The following KCTD5 variants were observed in gnomAD, a reference collection of about 807,000 sequenced individuals.
KCTD5 encodes potassium channel tetramerization domain containing 5.
A neutral mutation model predicts 27.9 loss-of-function variants in KCTD5; 12 were observed. That is an observed-to-expected ratio of 0.43 (90% CI 0.28 to 0.70). The LOEUF is 0.70. Among genes scored for constraint, KCTD5 ranks in the 30% least tolerant of loss-of-function variants. The pLI, the probability that KCTD5 is intolerant of heterozygous loss-of-function variation, is 0.19. For missense variants in KCTD5, 226 were observed against 274.8 expected, an observed-to-expected ratio of 0.82 and a Z score of 1.26; for synonymous variants, 147 against 121.4, an observed-to-expected ratio of 1.21 and a Z score of -1.39.
intron 1 of KCTD5, among the ~76,000 whole-genome samples, chr16:2,688,731 G>A (rs1211164210): frequency 1.0e-5 from 1 of 96,492 alleles, no homozygotes; most frequent in Non-Finnish European, 2.1e-5. Context: ...CCAGAGCTCT[G>A]GCTGACCCTA....
chr16:2,701,753 A>G (rs183101293), intron 4 of KCTD5, among the ~76,000 whole-genome samples: 1 of 152,342 alleles, frequency 6.6e-6, no homozygotes, highest in Admixed American at 6.5e-5. Flanking sequence ...CTTTAAAAGC[A>G]CAGAAGTGCC....
At position 2,695,465 on chromosome 16, in the gene KCTD5, C is replaced by T. The variant is rs1362540604; in HGVS notation, c.253-470C>T. Among the ~76,000 whole-genome samples the T allele has an allele frequency of 1.6e-5, 2 of 125,990 alleles. 1 individual carries two copies. Among genetic ancestry groups the T allele is most frequent in the Non-Finnish European group, 3.5e-5 (2 of 57,170 alleles). The allele number at this position is 125,990 out of a possible 152,430, so 82.7% of individuals were successfully genotyped here. A position where few individuals can be genotyped will look rare whatever the true frequency, so the allele number is the denominator to read the frequency against. On this transcript the variant is annotated intron_variant, in intron 1 of 5. Coordinates refer to ENST00000301738, the MANE Select transcript of KCTD5 (RefSeq NM_018992.4). The stretch of plus-strand genomic sequence containing the variant: ...GGCAGGAAGCCCCTGTCACCCTGAC[C>T]CCCGGTTCCTGCATGTAGGCTGCGG...
intron 1 of KCTD5, among the ~76,000 whole-genome samples, chr16:2,686,947 C>T (rs372773152): frequency 1.4e-4 from 22 of 152,148 alleles, no homozygotes; most frequent in African/African-American, 2.7e-4. Flanking sequence ...AGTTTGAGGC[C>T]GTTAGTGGGT....
rs759652324 is a variant in KCTD5, at chr16:2,699,868, G to A, written c.501G>A (p.Glu167=). 4 of 1,613,982 alleles carry A rather than the reference G, an allele frequency of 2.5e-6. No homozygotes were observed. In the South Asian group the frequency reaches 3.3e-5, roughly 13 times the overall value. The change falls in exon 4 of 6, where the codon GAG becomes GAA. Residue 167 remains glutamate, a synonymous_variant. Transcript: ENST00000301738. The stretch of plus-strand genomic sequence containing the variant: ...GTGTGCTGCAGTGCCAGGAGGAGGA[G>A]CTCACGCAGATGGTGTCCACCATGT... The part of the protein sequence containing the change: ...VYRVLQCQEE[E]LTQMVSTMSD...
At chr16:2,688,361 C>T (rs1010670522) in intron 1 of KCTD5, among the ~76,000 whole-genome samples, 6 of 151,616 alleles carry the variant, frequency 4.0e-5, no homozygotes, top group South Asian at 2.1e-4. Context: ...AGCATTTCTC[C>T]TGCCCCACCC....
At chr16:2,692,914 C>T (rs2067572904) in intron 1 of KCTD5, among the ~76,000 whole-genome samples, 2 of 152,284 alleles carry the variant, frequency 1.3e-5, no homozygotes, top group African/African-American at 4.8e-5. Context: ...GCAGGGATGC[C>T]TGAGGCTGTG....
At chr16:2,699,179 C>T (rs2067600063) in intron 3 of KCTD5, 1 of 456,128 alleles carries the variant, frequency 2.2e-6, no homozygotes, top group South Asian at 1.5e-5. Flanking sequence ...CCTGAGTCCT[C>T]CGTAGTGACT....
intron 1 of KCTD5, chr16:2,684,468 T>C (rs1002748668): frequency 4.3e-4 from 65 of 151,814 alleles, no homozygotes; most frequent in African/African-American, 1.5e-3. Context: ...GCCCGGTCTC[T>C]ACTAAAAATA....
chr16:2,698,852 G>A (rs928397579), intron 3 of KCTD5, among the ~76,000 whole-genome samples: 5 of 152,184 alleles, frequency 3.3e-5, no homozygotes, highest in Non-Finnish European at 5.9e-5. Flanking sequence ...CCCGCGCCCC[G>A]GGTCACCTTG....
In KCTD5 at chr16:2,707,645, T is replaced by G; in HGVS notation, c.*318T>G. On this transcript the variant is annotated 3_prime_UTR_variant, in exon 6 of 6. Coordinates refer to ENST00000301738, the MANE Select transcript of KCTD5 (RefSeq NM_018992.4). ...TCAGCCCGCTCGATCCTGAAGATCG[T>G]GTGAAGGAAGCGTTCTTGGTGCTAC... 1.7e-6 allele frequency: 1 copy of G among 595,008 alleles called. No homozygotes were observed. The highest frequency in any genetic ancestry group is 3.0e-6 in the Non-Finnish European group (1 of 334,262). The allele number at this position is 595,008 out of a possible 1,614,324, so 36.9% of individuals were successfully genotyped here.
chr16:2,699,843 G>A lies in KCTD5; in HGVS notation c.476G>A (p.Arg159His). The stretch of plus-strand genomic sequence containing the variant: ...CAGGTGCCTGTGAAGCATGTGTACC[G>A]TGTGCTGCAGTGCCAGGAGGAGGAG... The part of the protein sequence containing the change: ...TSQVPVKHVY[R>H]VLQCQEEELT... The change falls in exon 4 of 6, where the codon CGT becomes CAT. Residue 159 changes from arginine (R) to histidine (H), a missense_variant. By Grantham distance (29) the Arg-to-His change is conservative. This residue lies in a region of KCTD5 where 135 missense variants were observed against 207.0 expected (regional missense o/e 0.65). Transcript: ENST00000301738. The A allele has an allele frequency of 1.2e-6, 2 of 1,613,608 alleles. No individual in the cohort carries two copies. Among genetic ancestry groups the A allele is most frequent in the Non-Finnish European group, 1.7e-6 (2 of 1,179,794 alleles).
At chr16:2,693,533 C>T (rs2067576212) in intron 1 of KCTD5, among the ~76,000 whole-genome samples, 1 of 152,234 alleles carries the variant, frequency 6.6e-6, no homozygotes, top group Non-Finnish European at 1.5e-5. Context: ...ACGCTCAGTG[C>T]CCTGCCGGCT....
At chr16:2,690,818 T>C (rs1429911876) in intron 1 of KCTD5, among the ~76,000 whole-genome samples, 2 of 152,254 alleles carry the variant, frequency 1.3e-5, no homozygotes, top group Non-Finnish European at 2.9e-5. Context: ...CTCCCCGAGG[T>C]GACCTTGCTG....
At chr16:2,689,756 C>T (rs1211504364) in intron 1 of KCTD5, among the ~76,000 whole-genome samples, 1 of 151,962 alleles carries the variant, frequency 6.6e-6, no homozygotes, top group Non-Finnish European at 1.5e-5. Flanking sequence ...TGGCTCACTG[C>T]AACGGGGCTG....
chr16:2,691,750 C>A (rs2067567744), intron 1 of KCTD5, among the ~76,000 whole-genome samples: 1 of 152,174 alleles, frequency 6.6e-6, no homozygotes, highest in Non-Finnish European at 1.5e-5. Context: ...CCTTGGCTCC[C>A]AGCGAGGTTG....
intron 1 of KCTD5, among the ~76,000 whole-genome samples, chr16:2,689,626 A>C (rs2067556200): frequency 6.7e-6 from 1 of 149,154 alleles, no homozygotes; most frequent in Non-Finnish European, 1.5e-5. Context: ...TTGGGTTCAG[A>C]ATCTGGCGTG....
At chr16:2,702,021 C>T (rs1296627533) in intron 4 of KCTD5, among the ~76,000 whole-genome samples, 1 of 152,200 alleles carries the variant, frequency 6.6e-6, no homozygotes, top group Middle Eastern at 3.2e-3. Flanking sequence ...CACTCTCCTC[C>T]CGCTGCCCCC....
At chr16:2,696,782 C>T (rs1404699368) in intron 2 of KCTD5, among the ~76,000 whole-genome samples, 1 of 152,260 alleles carries the variant, frequency 6.6e-6, no homozygotes, top group South Asian at 2.1e-4. Context: ...TCACGCGGGG[C>T]GTGGAGTGAC....
At chr16:2,698,148 C>T in intron 3 of KCTD5, 151 bp downstream of exon 3, 1 of 615,668 alleles carries the variant, frequency 1.6e-6, no homozygotes, top group African/African-American at 1.9e-5. Context: ...GCCCCAGTGC[C>T]TGCCAGCTCC....
Sources: gnomAD v4.1 joint callset for allele counts (sites outside exome capture counted in the v4.1 genomes callset) on GRCh38, gnomAD v4.1.1 for gene constraint, gnomAD v4.1.1 regional missense constraint, MANE v1.5 for transcripts, NCBI Gene and HGNC (gene_info 2026-07-23, HGNC 2026-07-21) for gene names.